The following FSTL4 variants were observed in gnomAD, a reference collection of about 807,000 sequenced individuals.
FSTL4 encodes follistatin like 4.
FSTL4 carries 28 observed loss-of-function variants against 78.2 expected under a neutral mutation model. The ratio of observed to expected loss-of-function variants is 0.36; its 90% CI spans 0.27 to 0.49. The LOEUF (loss-of-function observed/expected upper bound fraction) is 0.49. Ranked by LOEUF, FSTL4 falls within the 20% of genes least tolerant of loss-of-function variation. The pLI is 0.98. For missense variants in FSTL4, 922 were observed against 1,084.9 expected, an observed-to-expected ratio of 0.85 and a Z score of 2.11; for synonymous variants, 422 against 440.5, an observed-to-expected ratio of 0.96 and a Z score of 0.53.
chr5:133,431,163 C>G (rs1177386509), intron 3 of FSTL4, among the ~76,000 whole-genome samples: 1 of 152,208 alleles, frequency 6.6e-6, no homozygotes, highest in African/African-American at 2.4e-5. Context: ...CACTTTCCCA[C>G]TGAACCCAGG....
chr5:133,522,806 G>A (rs958215128), intron 3 of FSTL4, among the ~76,000 whole-genome samples: 5 of 152,204 alleles, frequency 3.3e-5, no homozygotes, highest in Non-Finnish European at 7.3e-5. Context: ...ATGAGTCCGA[G>A]ATTTGAAACG....
intron 13 of FSTL4, among the ~76,000 whole-genome samples, chr5:133,216,158 A>C (rs893536691): frequency 1.3e-5 from 2 of 152,198 alleles, no homozygotes; most frequent in Non-Finnish European, 2.9e-5. Flanking sequence ...CTTATATTCA[A>C]TCTGTCAGAA....
the FSTL4 span, among the ~76,000 whole-genome samples, chr5:133,746,720 G>T: frequency 1.3e-5 from 2 of 152,074 alleles, no homozygotes; most frequent in African/African-American, 4.8e-5. Flanking sequence ...CAAAAAAAGC[G>T]ATTCCATTTT....
the FSTL4 span, among the ~76,000 whole-genome samples, chr5:133,631,452 C>A: frequency 6.6e-6 from 1 of 152,084 alleles, no homozygotes; most frequent in African/African-American, 2.4e-5. Flanking sequence ...AATGAGATAC[C>A]ATTTCACGCC....
the FSTL4 span, among the ~76,000 whole-genome samples, chr5:133,635,952 C>T: frequency 1.3e-5 from 2 of 152,140 alleles, no homozygotes; most frequent in Non-Finnish European, 2.9e-5. Flanking sequence ...GAGAAGGAGG[C>T]AGTAAAATCA....
chr5:133,253,390 GCCTC>G lies in FSTL4; in HGVS notation c.728-3818_728-3815del, dbSNP rs1238258519. 1.5e-3 allele frequency among the ~76,000 whole-genome samples: 230 copies of G among 152,334 alleles called. 1 individual carries two copies. In the South Asian group the frequency reaches 0.035, roughly 23 times the overall value. On this transcript the variant is annotated intron_variant, in intron 6 of 15. Coordinates refer to ENST00000265342, the MANE Select transcript of FSTL4 (RefSeq NM_015082.2). ...TTGGCAGCTCCCTTCCTGTCACTGG[GCCTC>G]AGTTTAGACATGGATACAATGAGGG...
At chr5:133,394,589 G>A (rs899802388) in intron 4 of FSTL4, among the ~76,000 whole-genome samples, 4 of 152,194 alleles carry the variant, frequency 2.6e-5, no homozygotes, top group Non-Finnish European at 4.4e-5. Context: ...CTGCCTCCCC[G>A]CAGGGCAGGG....
intron 7 of FSTL4, among the ~76,000 whole-genome samples, chr5:133,240,181 G>A (rs984902092): frequency 3.9e-5 from 6 of 152,108 alleles, no homozygotes; most frequent in Non-Finnish European, 5.9e-5. Context: ...AAACGCATCC[G>A]AGCATCAGAA....
At chr5:133,377,772 A>C (rs1755471230) in intron 4 of FSTL4, among the ~76,000 whole-genome samples, 1 of 152,210 alleles carries the variant, frequency 6.6e-6, no homozygotes, top group South Asian at 2.1e-4. Context: ...AATTTGATTA[A>C]AAAATTAATC....
At chr5:133,607,128 TGTAAA>T (rs1332868897) in intron 1 of FSTL4, among the ~76,000 whole-genome samples, 3 of 152,242 alleles carry the variant, frequency 2.0e-5, no homozygotes, top group Non-Finnish European at 4.4e-5. Context: ...GCAGCTTGTT[TGTAAA>T]GTTTAGCTCA....
At chr5:133,467,213 T>C (rs1301897353) in intron 3 of FSTL4, among the ~76,000 whole-genome samples, 1 of 150,618 alleles carries the variant, frequency 6.6e-6, no homozygotes, top group Non-Finnish European at 1.5e-5. Context: ...AGTGTGTGAG[T>C]ATATGAGGGT....
At chr5:133,301,355 G>T (rs1008297886) in intron 6 of FSTL4, among the ~76,000 whole-genome samples, 1 of 152,182 alleles carries the variant, frequency 6.6e-6, no homozygotes, top group African/African-American at 2.4e-5. Flanking sequence ...GAGAGGTTCT[G>T]CCTGCCAGAT....
intron 3 of FSTL4, among the ~76,000 whole-genome samples, chr5:133,565,210 T>C (rs564033918): frequency 1.4e-4 from 22 of 152,210 alleles, no homozygotes; most frequent in Non-Finnish European, 2.6e-4. Context: ...AGGTGTTCAT[T>C]GCTAGACAAT....
chr5:133,313,487 A>G (rs1352039752), intron 5 of FSTL4, among the ~76,000 whole-genome samples: 1 of 152,188 alleles, frequency 6.6e-6, no homozygotes, highest in Non-Finnish European at 1.5e-5. Context: ...ACACGTCCCA[A>G]GGTAACTAAG....
At chr5:133,221,322 A>T (rs1751094674) in intron 11 of FSTL4, among the ~76,000 whole-genome samples, 1 of 152,138 alleles carries the variant, frequency 6.6e-6, no homozygotes, top group African/African-American at 2.4e-5. Context: ...GGAGTCTAAG[A>T]ATGCTGCCCT....
At chr5:133,740,931 C>T in the FSTL4 span, among the ~76,000 whole-genome samples, 1 of 141,692 alleles carries the variant, frequency 7.1e-6, no homozygotes, top group African/African-American at 2.7e-5. Flanking sequence ...TGAAGTCAGC[C>T]TCTGGATGGA....
At chr5:133,246,432 C>CT (rs1425305866) in intron 7 of FSTL4, 1 of 152,276 alleles carries the variant, frequency 6.6e-6, no homozygotes, top group African/African-American at 2.4e-5. Context: ...GGGCCTACTG[C>CT]TTATGAGCAC....
In FSTL4 at chr5:133,540,720, CAAA is replaced by C. The variant is rs79162509; in HGVS notation, c.160+26463_160+26465del. 6.4e-3 allele frequency among the ~76,000 whole-genome samples: 453 copies of C among 70,264 alleles called. 2 individuals carry two copies. Among genetic ancestry groups the C allele is most frequent in the African/African-American group, 0.023 (397 of 17,552 alleles). 46.1% of individuals were successfully genotyped at this position (70,264 alleles called of 152,430 possible). On this transcript the variant is annotated intron_variant, in intron 3 of 15. Transcript: ENST00000265342. ...TCTCCCTCTCATGTTTTAACATAGGCAAAAAAAAAAAAAAAAAAAGAAAGAAAA... is the reference window on the plus strand; with the variant it reads ...TCTCCCTCTCATGTTTTAACATAGGCAAAAAAAAAAAAAAAAGAAAGAAAA...
the FSTL4 span, among the ~76,000 whole-genome samples, chr5:133,770,423 A>G: frequency 6.6e-6 from 1 of 151,958 alleles, no homozygotes; most frequent in African/African-American, 2.4e-5. Context: ...AGCCATTCTG[A>G]TGGTGTAAGA....
Sources: allele counts gnomAD v4.1 joint callset (sites outside exome capture counted in the v4.1 genomes callset), GRCh38; gene constraint gnomAD v4.1.1; transcripts MANE v1.5; gene names NCBI Gene and HGNC (gene_info 2026-07-23, HGNC 2026-07-21).